Variants in CDC42BPG observed in about 807,000 individuals in gnomAD.
The protein encoded by CDC42BPG is serine/threonine-protein kinase MRCK gamma.
CDC42BPG carries 157 observed loss-of-function variants against 192.2 expected under a neutral mutation model. The observed-to-expected ratio is 0.82, with a 90% CI of 0.72 to 0.93. CDC42BPG has a LOEUF of 0.93. CDC42BPG is among the 40% of genes least tolerant of loss of function. The pLI is 0.00. For synonymous variants in CDC42BPG, 981 were observed against 918.5 expected (o/e 1.07, Z -1.23); for missense variants, 1,992 against 2,122.1 (o/e 0.94, Z 1.20).
chr11:64,842,936 C>T (rs1943343873), intron 1 of CDC42BPG, among the ~76,000 whole-genome samples: 1 of 152,182 alleles, frequency 6.6e-6, no homozygotes. Flanking sequence ...CAGAAGCCCG[C>T]AGCGGGGGCG....
Position 64,837,039 on chromosome 11 carries a change from A to G in CDC42BPG, c.1206-20T>C. The G allele has an allele frequency of 1.9e-6, 3 of 1,594,680 alleles. No individual in the cohort carries two copies. Among genetic ancestry groups the G allele is most frequent in the Non-Finnish European group, 2.6e-6 (3 of 1,162,856 alleles). The stretch of plus-strand genomic sequence containing the variant: ...CTGTGACTGTAGGGGGACAGGGGCC[A>G]TGTTTGTTGGTAGAAACCTCACCCC... On this transcript the variant is annotated intron_variant, in intron 9 of 36. Coordinates refer to ENST00000342711, the MANE Select transcript of CDC42BPG (RefSeq NM_017525.3).
intron 11 of CDC42BPG, 93 bp downstream of exon 11, chr11:64,836,646 C>A: frequency 8.1e-7 from 1 of 1,236,420 alleles, no homozygotes; most frequent in East Asian, 2.5e-5. Flanking sequence ...AAATGCTCTC[C>A]CAGGATCATA....
intron 4 of CDC42BPG, 53 bp from the exon 5 acceptor site, chr11:64,840,321 T>G (rs1278469527): frequency 6.3e-7 from 1 of 1,589,860 alleles, no homozygotes; most frequent in East Asian, 2.2e-5. Flanking sequence ...CCTGGCCACT[T>G]CACCGCGGTC....
chr11:64,829,688 C>G lies in CDC42BPG; in HGVS notation c.3750G>C (p.Pro1250=). 1 of 1,611,526 alleles carries G rather than the reference C, an allele frequency of 6.2e-7. No individual in the cohort carries two copies. The highest frequency in any genetic ancestry group is 8.5e-7 in the Non-Finnish European group (1 of 1,179,470). The part of the protein sequence containing the change: ...VGAAGGFALY[P]LLNEAAPLAL... Reference sequence around the variant, plus strand: ...CCAACGGCGCAGCCTCGTTGAGCAGCGGGTAGAGTGCAAAGCCACCGGCGG... The same window carrying G: ...CCAACGGCGCAGCCTCGTTGAGCAGGGGGTAGAGTGCAAAGCCACCGGCGG... Residue 1250 remains proline (P), a synonymous_variant, in exon 30 of 37, where the codon CCG becomes CCC. Transcript: ENST00000342711.
intron 24 of CDC42BPG, 126 bp from the exon 25 acceptor site, chr11:64,833,085 T>G: frequency 1.5e-6 from 2 of 1,315,444 alleles, no homozygotes; most frequent in Admixed American, 4.6e-5. Context: ...CCCCAATTCC[T>G]CATCAAGTGA....
chr11:64,826,692 G>T lies in CDC42BPG; in HGVS notation c.4492C>A (p.Leu1498Ile). ...TTACTGGGGTCTGCGTCTCCACCGA[G>T]GCCTTCGCTGCCCATGGAGGCTGGG... ...RRPASMGSEG[L>I]GGDADPMKRK... The change falls in exon 35 of 37, where the codon CTC (leucine) becomes ATC (isoleucine). Residue 1498 changes from leucine (L) to isoleucine (I), a missense_variant. This residue lies in a region of CDC42BPG where 336 missense variants were observed against 277.9 expected (regional missense o/e 1.21). Coordinates refer to ENST00000342711, the MANE Select transcript of CDC42BPG (RefSeq NM_017525.3). 6.4e-7 allele frequency: 1 copy of T among 1,557,932 alleles called. No individual in the cohort carries two copies.
At chr11:64,826,817 G>A (rs1309978941) in intron 34 of CDC42BPG, 23 bp from the exon 35 acceptor site, 2 of 1,479,016 alleles carry the variant, frequency 1.4e-6, no homozygotes, top group Non-Finnish European at 8.9e-7. Context: ...AGTGCGGAGG[G>A]GCTGGGACTA....
At chr11:64,841,008 G>A (rs1291376692) in intron 3 of CDC42BPG, among the ~76,000 whole-genome samples, 2 of 152,044 alleles carry the variant, frequency 1.3e-5, no homozygotes, top group Non-Finnish European at 2.9e-5. Context: ...AAACTTAGCT[G>A]GGTGTCGTGG....
chr11:64,830,526 C>T (rs971844653), intron 28 of CDC42BPG: 17 of 555,922 alleles, frequency 3.1e-5, no homozygotes, highest in East Asian at 9.2e-5. Context: ...CTGGGGACAA[C>T]GATGGTACTT....
Position 64,829,555 on chromosome 11 carries a change from T to A in CDC42BPG, c.3883A>T (p.Thr1295Ser). The change falls in exon 30 of 37, where the codon ACC becomes TCC. Residue 1295 changes from threonine (T) to serine (S), a missense_variant. Physicochemically the swap from Thr to Ser is moderately conservative, Grantham distance 58. This residue lies in a region of CDC42BPG where 1,656 missense variants were observed against 1,844.3 expected (regional missense o/e 0.90). Coordinates refer to ENST00000342711, the MANE Select transcript of CDC42BPG (RefSeq NM_017525.3). ...LSLSEFLLLF[T>S]TAGIYVDGAG... Reference sequence around the variant, plus strand: ...CCATCCACGTAGATGCCAGCAGTGGTGAAGAGTAGCAGGAACTCGCTGAGG... The same window carrying A: ...CCATCCACGTAGATGCCAGCAGTGGAGAAGAGTAGCAGGAACTCGCTGAGG... 1 of 1,612,798 alleles carries A rather than the reference T, an allele frequency of 6.2e-7. No individual in the cohort carries two copies. Among genetic ancestry groups the A allele is most frequent in the Non-Finnish European group, 8.5e-7 (1 of 1,179,824 alleles).
Position 64,831,638 on chromosome 11 carries a change from C to T in CDC42BPG, c.3171G>A (p.Trp1057Ter). Reference sequence around the variant, plus strand: ...GCTGCAGCTCACCCAGCACCTGCAGCCAGCGTTCCCGCTCCCCCTCGCTCT... The same window carrying T: ...GCTGCAGCTCACCCAGCACCTGCAGTCAGCGTTCCCGCTCCCCCTCGCTCT... ...LAESEGERER[W>*]LQVLGELQRL... The change falls in exon 28 of 37, where the codon TGG (tryptophan) becomes TGA (stop). Residue 1057 changes from tryptophan (W) to a stop codon, truncating the protein, a stop_gained. Transcript: ENST00000342711. LOFTEE classifies it high-confidence loss of function. 1 of 1,611,270 alleles carries T rather than the reference C, an allele frequency of 6.2e-7. No homozygotes were observed. The highest frequency in any genetic ancestry group is 8.5e-7 in the Non-Finnish European group (1 of 1,179,792).
At chr11:64,826,977 A>C in intron 34 of CDC42BPG, 73 bp downstream of exon 34, 1 of 1,224,824 alleles carries the variant, frequency 8.2e-7, no homozygotes, top group Non-Finnish European at 1.2e-6. Flanking sequence ...GTGATTGGCT[A>C]GAGCTCACCA....
chr11:64,832,186 G>A (rs899429512), intron 27 of CDC42BPG, among the ~76,000 whole-genome samples: 1 of 152,258 alleles, frequency 6.6e-6, no homozygotes, highest in Non-Finnish European at 1.5e-5. Context: ...GGGCTGGGAG[G>A]CCTGCAGGGT....
chr11:64,828,548 G>T (rs748537022), intron 30 of CDC42BPG, among the ~76,000 whole-genome samples: 1 of 152,218 alleles, frequency 6.6e-6, no homozygotes, highest in Non-Finnish European at 1.5e-5. Context: ...CACAGCAATC[G>T]CAGCGGTTAT....
In CDC42BPG at chr11:64,838,827, G is replaced by T. The variant is rs772264398; in HGVS notation, c.952C>A (p.Arg318Ser). 7 of 1,612,508 alleles carry T rather than the reference G, an allele frequency of 4.3e-6. No individual in the cohort carries two copies. In the African/African-American group the frequency reaches 8.0e-5, roughly 18 times the overall value. Residue 318 changes from arginine to serine, a missense_variant, in exon 8 of 37, where the codon CGC becomes AGC. Around this residue, in one of 2 missense-constraint regions of CDC42BPG, gnomAD observed 1,656 missense variants for 1,844.3 expected, o/e 0.90. Transcript: ENST00000342711. ...CCACGGCCTAGCCGCTCTTCCTGGC[G>T]ACACAGCAGCTGGCGGATCAGGTCT... ...AQDLIRQLLC[R>S]QEERLGRGGL...
At chr11:64,840,502 CTCTCCTGTG>C in intron 4 of CDC42BPG, 42 bp downstream of exon 4, 1 of 1,576,398 alleles carries the variant, frequency 6.3e-7, no homozygotes, top group Non-Finnish European at 8.7e-7. Context: ...CCCAAGGGCC[CTCTCCTGTG>C]TCCCTAGGAT....
In CDC42BPG at chr11:64,836,726, G is replaced by GGGGGGGGGGGGCC; in HGVS notation, c.1384+12_1384+13insGGCCCCCCCCCCC. 1.1e-6 allele frequency: 1 copy of GGGGGGGGGGGGCC among 889,336 alleles called. No individual in the cohort carries two copies. Among genetic ancestry groups the GGGGGGGGGGGGCC allele is most frequent in the Non-Finnish European group, 1.6e-6 (1 of 622,138 alleles). The allele number at this position is 889,336 out of a possible 1,614,324, so 55.1% of individuals were successfully genotyped here. ...AGCCCTGGGGGGGGGGGGGGGGTGG[G>GGGGGGGGGGGGCC]CGGAAGGGATACCTGGCAGCCTGTC... On this transcript the variant is annotated intron_variant, in intron 11 of 36. Coordinates refer to ENST00000342711, the MANE Select transcript of CDC42BPG (RefSeq NM_017525.3).
intron 32 of CDC42BPG, 46 bp downstream of exon 32, chr11:64,827,481 G>A (rs555451938): frequency 4.4e-6 from 7 of 1,604,404 alleles, no homozygotes; most frequent in African/African-American, 2.7e-5. Context: ...ACAGCCACAC[G>A]TGCGCACTGG....
chr11:64,836,707 G>GAT, intron 11 of CDC42BPG, 32 bp downstream of exon 11: 1 of 603,806 alleles, frequency 1.7e-6, no homozygotes, highest in Non-Finnish European at 2.4e-6. Flanking sequence ...ACTCAGCCCT[G>GAT]GGGGGGGGGG....
Sources: gnomAD v4.1 joint callset for allele counts (sites outside exome capture counted in the v4.1 genomes callset) on GRCh38, gnomAD v4.1.1 for gene constraint, gnomAD v4.1.1 regional missense constraint, MANE v1.5 for transcripts, NCBI Gene and HGNC (gene_info 2026-07-23, HGNC 2026-07-21) for gene names.